The following SCML4 variants were observed in gnomAD, a reference collection of about 807,000 sequenced individuals.
The protein encoded by SCML4 is sex comb on midleg-like protein 4.
SCML4 carries 34 observed loss-of-function variants against 41.1 expected under a neutral mutation model. The ratio of observed to expected loss-of-function variants is 0.83; its 90% confidence interval spans 0.63 to 1.10. The LOEUF (loss-of-function observed/expected upper bound fraction) is 1.10, where lower values mean the gene tolerates loss of function less well. SCML4 is among the 50% of genes least tolerant of loss of function. The pLI is 0.00. For missense variants in SCML4, 522 were observed against 534.1 expected (o/e 0.98, Z 0.22); for synonymous variants, 214 against 220.9 (o/e 0.97, Z 0.28).
chr6:107,792,624 C>T (rs916983288), intron 1 of SCML4, among the ~76,000 whole-genome samples: 2 of 151,522 alleles, frequency 1.3e-5, no homozygotes, highest in African/African-American at 4.9e-5. Flanking sequence ...CCCAGCTATT[C>T]GGGAAGCTGA....
In SCML4 at chr6:107,720,813, C is replaced by T; in HGVS notation, c.863G>A (p.Gly288Asp). The T allele has an allele frequency of 6.2e-7, 1 of 1,614,064 alleles. No homozygotes were observed. Among genetic ancestry groups the T allele is most frequent in the Non-Finnish European group, 8.5e-7 (1 of 1,179,964 alleles). Residue 288 changes from glycine to aspartate, a missense_variant, in exon 6 of 8, where the codon GGT (glycine) becomes GAT (aspartate). Transcript: ENST00000369020. Reference protein sequence around the residue: ...HLGGGPAATAGGPRTSPMSSG... With the variant: ...HLGGGPAATADGPRTSPMSSG... The stretch of plus-strand genomic sequence containing the variant: ...AGACATGGGGCTAGTGCGGGGACCA[C>T]CAGCGGTGGCAGCAGGACCACCCCC...
chr6:107,822,752 T>C (rs1043335167), intron 1 of SCML4, among the ~76,000 whole-genome samples: 1 of 152,154 alleles, frequency 6.6e-6, no homozygotes, highest in Non-Finnish European at 1.5e-5. Flanking sequence ...TTAAAAGTTA[T>C]AGTTTGTGAA....
the SCML4 span, among the ~76,000 whole-genome samples, chr6:107,835,313 A>G: frequency 6.6e-6 from 1 of 152,154 alleles, no homozygotes; most frequent in African/African-American, 2.4e-5. Context: ...GTGAGCCAAG[A>G]TCGTGCCACT....
intron 2 of SCML4, among the ~76,000 whole-genome samples, chr6:107,766,736 G>T (rs1780079596): frequency 6.6e-6 from 1 of 152,170 alleles, no homozygotes. Context: ...GCACTGGGGG[G>T]TAGGCAACAG....
At chr6:107,795,308 A>AT (rs150333198) in intron 1 of SCML4, among the ~76,000 whole-genome samples, 8,555 of 151,752 alleles carry the variant, frequency 0.056, 703 homozygotes, top group African/African-American at 0.18. Flanking sequence ...TAATATTGCC[A>AT]TTTTTTTTAA....
At chr6:107,828,000 T>G (rs1785308092), upstream of SCML4, among the ~76,000 whole-genome samples, 1 of 152,272 alleles carries the variant, frequency 6.6e-6, no homozygotes, top group African/African-American at 2.4e-5. Flanking sequence ...ATAACAGTGA[T>G]AGCTAACATT....
chr6:107,815,055 A>G (rs913652274), intron 1 of SCML4, among the ~76,000 whole-genome samples: 2 of 152,186 alleles, frequency 1.3e-5, no homozygotes, highest in African/African-American at 4.8e-5. Flanking sequence ...CTGCATAGTG[A>G]TCATGTAGGA....
At chr6:107,830,304 G>A in the SCML4 span, among the ~76,000 whole-genome samples, 1 of 152,190 alleles carries the variant, frequency 6.6e-6, no homozygotes, top group African/African-American at 2.4e-5. Flanking sequence ...CTCTCTTTGT[G>A]GCTCTGGGCC....
At chr6:107,762,347 T>C (rs1013600850) in intron 2 of SCML4, among the ~76,000 whole-genome samples, 5 of 152,056 alleles carry the variant, frequency 3.3e-5, no homozygotes, top group Non-Finnish European at 7.4e-5. Context: ...ATACAAAAAA[T>C]CAGTATAGAT....
At chr6:107,759,518 T>TG (rs1325753957) in intron 2 of SCML4, among the ~76,000 whole-genome samples, 8 of 152,274 alleles carry the variant, frequency 5.3e-5, no homozygotes, top group African/African-American at 1.9e-4. Flanking sequence ...GGATTCAGGG[T>TG]GTACTTTGAG....
At chr6:107,792,640 G>A (rs1317208260) in intron 1 of SCML4, among the ~76,000 whole-genome samples, 1 of 151,818 alleles carries the variant, frequency 6.6e-6, no homozygotes, top group African/African-American at 2.4e-5. Flanking sequence ...GCTGAGGCAG[G>A]AGAATCGCTA....
At chr6:107,765,680 T>C (rs2114553135) in intron 2 of SCML4, among the ~76,000 whole-genome samples, 1 of 152,206 alleles carries the variant, frequency 6.6e-6, no homozygotes, top group South Asian at 2.1e-4. Context: ...ACAAAAGTAA[T>C]AAATACTGAC....
chr6:107,802,164 T>C (rs75792217), intron 1 of SCML4, among the ~76,000 whole-genome samples: 5,644 of 152,306 alleles, frequency 0.037, 154 homozygotes, highest in Non-Finnish European at 0.059. Flanking sequence ...CAACAAAAAG[T>C]CACTGTTCTC....
At chr6:107,721,144 C>A (rs915145554) in intron 5 of SCML4, 151 bp from the exon 6 acceptor site, 1 of 932,104 alleles carries the variant, frequency 1.1e-6, no homozygotes, top group Admixed American at 3.2e-5. Flanking sequence ...AACATAATTC[C>A]AAATAGCATA....
the SCML4 span, among the ~76,000 whole-genome samples, chr6:107,845,962 A>G: frequency 2.6e-5 from 4 of 152,156 alleles, no homozygotes; most frequent in African/African-American, 9.7e-5. Context: ...CAGTGACAGG[A>G]GACAAGTGGG....
chr6:107,774,505 A>G (rs990852046), intron 1 of SCML4, among the ~76,000 whole-genome samples: 1 of 152,164 alleles, frequency 6.6e-6, no homozygotes, highest in African/African-American at 2.4e-5. Flanking sequence ...AGAACCACCA[A>G]ATTTATTTAA....
At chr6:107,830,244 C>A in the SCML4 span, among the ~76,000 whole-genome samples, 6 of 152,220 alleles carry the variant, frequency 3.9e-5, no homozygotes, top group South Asian at 1.0e-3. Flanking sequence ...AAAAACGACT[C>A]ACTCAAATTC....
intron 1 of SCML4, among the ~76,000 whole-genome samples, chr6:107,821,626 A>C (rs1402820085): frequency 6.6e-6 from 1 of 152,128 alleles, no homozygotes; most frequent in Non-Finnish European, 1.5e-5. Flanking sequence ...GAAGAATGAC[A>C]CTGGAGATGC....
chr6:107,773,881 C>T (rs1780714657), intron 1 of SCML4, among the ~76,000 whole-genome samples: 2 of 152,242 alleles, frequency 1.3e-5, no homozygotes, highest in East Asian at 1.9e-4. Context: ...ACAGTCCCTA[C>T]ACCCTGGCCT....
Sources: allele counts gnomAD v4.1 joint callset (sites outside exome capture counted in the v4.1 genomes callset), GRCh38; gene constraint gnomAD v4.1.1; transcripts MANE v1.5; gene names NCBI Gene and HGNC (gene_info 2026-07-23, HGNC 2026-07-21).